ADGRL2: variants seen among roughly 807,000 people sequenced by gnomAD.
ADGRL2 encodes the protein calcium-independent alpha-latrotoxin receptor 2.
In ADGRL2, 44 loss-of-function variants were observed where a neutral mutation model predicts 157.4. The observed-to-expected ratio is 0.28, with a 90% CI of 0.22 to 0.36. The LOEUF (loss-of-function observed/expected upper bound fraction) is 0.36, where lower values mean the gene tolerates loss of function less well. Among genes scored for constraint, ADGRL2 ranks in the 10% least tolerant of loss-of-function variants. The pLI is 1.00. For missense variants in ADGRL2, 1,510 were observed against 1,768.9 expected, an observed-to-expected ratio of 0.85 and a Z score of 2.63; for synonymous variants, 585 against 624.7, an observed-to-expected ratio of 0.94 and a Z score of 0.95.
chr1:81,906,896 G>T (rs1264986521), intron 2 of ADGRL2, 121 bp from the exon 3 acceptor site: 1 of 757,158 alleles, frequency 1.3e-6, no homozygotes, highest in Non-Finnish European at 2.1e-6. Flanking sequence ...TTTAATAAAT[G>T]CCTGAATTTT....
chr1:81,843,694 C>T (rs2092685328), intron 2 of ADGRL2, among the ~76,000 whole-genome samples: 1 of 152,078 alleles, frequency 6.6e-6, no homozygotes, highest in Admixed American at 6.6e-5. Flanking sequence ...AAATGTGACT[C>T]AAAGTTGCCG....
chr1:81,943,496 C>T lies in ADGRL2; in HGVS notation c.937C>T (p.Arg313Cys). Residue 313 changes from arginine (R) to cysteine (C), a missense_variant, in exon 6 of 24, where the codon CGT becomes TGT. Arg to Cys is a radical substitution (Grantham distance 180). Coordinates refer to ENST00000686636, the MANE Select transcript of ADGRL2 (RefSeq NM_001366006.2). This position sits in a 1 kb window ranked among gnomAD's most constrained non-coding sequence, Gnocchi z 5.6. ...EATWETVYDK[R>C]AASNAFMICG... is the part of the protein sequence containing the mutation. ...AACGTGGGAGACTGTATACGACAAACGTGCCGCATCAAATGCTTTTATGAT... is the reference window on the plus strand; with the variant it reads ...AACGTGGGAGACTGTATACGACAAATGTGCCGCATCAAATGCTTTTATGAT... 6.2e-7 allele frequency: 1 copy of T among 1,613,756 alleles called. No individual in the cohort carries two copies. The highest frequency in any genetic ancestry group is 8.5e-7 in the Non-Finnish European group (1 of 1,179,784).
intron 1 of ADGRL2, among the ~76,000 whole-genome samples, chr1:81,346,250 TGTAGA>T (rs1662472418): frequency 6.6e-6 from 1 of 152,220 alleles, no homozygotes; most frequent in South Asian, 2.1e-4. Context: ...ATTATGCTTA[TGTAGA>T]AATAAGTCAG....
At chr1:81,389,230 A>G (rs1335004046) in intron 1 of ADGRL2, among the ~76,000 whole-genome samples, 1 of 152,192 alleles carries the variant, frequency 6.6e-6, no homozygotes, top group Non-Finnish European at 1.5e-5. Context: ...TCAACAATGT[A>G]ACTAACCATT....
chr1:81,392,984 C>T (rs1301536111), intron 1 of ADGRL2, among the ~76,000 whole-genome samples: 1 of 152,032 alleles, frequency 6.6e-6, no homozygotes, highest in African/African-American at 2.4e-5. Flanking sequence ...TCCTCTTTCA[C>T]TGTTTGTACA....
At chr1:81,910,195 C>T (rs921510059) in intron 3 of ADGRL2, among the ~76,000 whole-genome samples, 7 of 151,098 alleles carry the variant, frequency 4.6e-5, no homozygotes, top group Admixed American at 1.3e-4. Flanking sequence ...GCCAAGATCA[C>T]GCCACTGAAC....
chr1:81,673,659 C>A (rs1296930256), intron 3 of ADGRL2, among the ~76,000 whole-genome samples: 1 of 151,884 alleles, frequency 6.6e-6, no homozygotes, highest in East Asian at 1.9e-4. Context: ...GGACTACAGG[C>A]GCCCACCACC....
At chr1:81,857,804 C>T (rs2093254346) in intron 2 of ADGRL2, among the ~76,000 whole-genome samples, 2 of 152,112 alleles carry the variant, frequency 1.3e-5, no homozygotes, top group South Asian at 4.2e-4. Flanking sequence ...TTTTAAAAAT[C>T]CATTTTTTGG....
At chr1:81,335,208 C>T (rs1661551176) in intron 1 of ADGRL2, among the ~76,000 whole-genome samples, 1 of 152,168 alleles carries the variant, frequency 6.6e-6, no homozygotes, top group Admixed American at 6.5e-5. Context: ...TTTGCATATG[C>T]TTCTGCAGTT....
At chr1:81,802,183 G>A (rs1037382884) in intron 1 of ADGRL2, among the ~76,000 whole-genome samples, 3 of 151,818 alleles carry the variant, frequency 2.0e-5, no homozygotes, top group African/African-American at 4.8e-5. Context: ...TCCCCGCGCG[G>A]CCCCCACGCC....
intron 1 of ADGRL2, among the ~76,000 whole-genome samples, chr1:81,430,206 T>C (rs2077295476): frequency 6.6e-6 from 1 of 152,136 alleles, no homozygotes; most frequent in Non-Finnish European, 1.5e-5. Flanking sequence ...AGCTTTATAT[T>C]GTAATGGGGG....
At chr1:81,812,166 G>T (rs1232889140) in intron 1 of ADGRL2, among the ~76,000 whole-genome samples, 2 of 151,868 alleles carry the variant, frequency 1.3e-5, no homozygotes, top group African/African-American at 4.8e-5. Context: ...TTTTACTAAG[G>T]TAACTGCCCA....
intron 2 of ADGRL2, among the ~76,000 whole-genome samples, chr1:81,476,103 C>T (rs980663683): frequency 6.6e-6 from 1 of 151,070 alleles, no homozygotes; most frequent in Non-Finnish European, 1.5e-5. Flanking sequence ...AAAGCCTTCA[C>T]ACTAGACACT....
At chr1:81,766,346 G>A (rs1349596637) in intron 2 of ADGRL2, among the ~76,000 whole-genome samples, 1 of 152,018 alleles carries the variant, frequency 6.6e-6, no homozygotes, top group Non-Finnish European at 1.5e-5. Context: ...AAACAATATC[G>A]TAAGTTGGCT....
At chr1:81,796,310 G>A (rs563065358), upstream of ADGRL2, among the ~76,000 whole-genome samples, 4 of 152,174 alleles carry the variant, frequency 2.6e-5, no homozygotes, top group African/African-American at 4.8e-5. Flanking sequence ...TTTAAACCAC[G>A]TACTGTTAAT....
intron 2 of ADGRL2, among the ~76,000 whole-genome samples, chr1:81,769,254 C>A (rs1489644807): frequency 2.6e-5 from 4 of 152,154 alleles, no homozygotes; most frequent in African/African-American, 9.7e-5. Context: ...AGCTAAACTT[C>A]ATAAACTTTT....
chr1:81,436,687 T>C (rs1215081378), intron 1 of ADGRL2, among the ~76,000 whole-genome samples: 2 of 152,238 alleles, frequency 1.3e-5, no homozygotes, highest in African/African-American at 2.4e-5. Context: ...CCACTTCTAG[T>C]TCCTTTATGA....
chr1:81,459,778 ATGTG>A (rs993551647), intron 2 of ADGRL2, among the ~76,000 whole-genome samples: 4 of 71,684 alleles, frequency 5.6e-5, no homozygotes, highest in South Asian at 4.9e-4. Context: ...TAGTGTGTGT[ATGTG>A]TGTGTGTATA....
At chr1:81,328,992 A>C (rs1331600398) in intron 1 of ADGRL2, among the ~76,000 whole-genome samples, 2 of 151,900 alleles carry the variant, frequency 1.3e-5, no homozygotes, top group African/African-American at 4.8e-5. Context: ...CAACTTATTT[A>C]GGATAGAGTT....
Sources: gnomAD v4.1 joint callset for allele counts (sites outside exome capture counted in the v4.1 genomes callset) on GRCh38, gnomAD v4.1.1 for gene constraint, Gnocchi (gnomAD v3.1) non-coding constraint, MANE v1.5 for transcripts, NCBI Gene and HGNC (gene_info 2026-07-23, HGNC 2026-07-21) for gene names.